Variants in MEIS2 observed in about 807,000 individuals in gnomAD.
MEIS2 encodes the protein Meis homeobox 2, also known as homeobox protein Meis2.
In MEIS2, 9 loss-of-function variants were observed where a neutral mutation model predicts 58.6. The observed-to-expected ratio is 0.15, with a 90% CI of 0.09 to 0.27. The LOEUF (loss-of-function observed/expected upper bound fraction) is 0.27. Among genes scored for constraint, MEIS2 ranks in the 10% least tolerant of loss-of-function variants. MEIS2 has a pLI of 1.00. For synonymous variants in MEIS2, 221 were observed against 228.4 expected (o/e 0.97, Z 0.29); for missense variants, 427 against 635.0 (o/e 0.67, Z 3.52).
At chr15:36,892,526 A>C in intron 11 of MEIS2, 67 bp from the exon 12 acceptor site, 3 of 1,171,070 alleles carry the variant, frequency 2.6e-6, no homozygotes, top group Non-Finnish European at 3.6e-6. Flanking sequence ...TACCCATCAA[A>C]GATGAAAAGA....
rs530038587 is a variant in MEIS2, at chr15:36,970,170, A to G, written c.901-19770T>C. On this transcript the variant is annotated intron_variant, in intron 8 of 11. Coordinates refer to ENST00000561208, the MANE Select transcript of MEIS2 (RefSeq NM_170675.5). Reference sequence around the variant, plus strand: ...TGTAATCCCAGCACTTTGGGAGGCCAAGGCGGGAGGATCATGAGGTCAGGA... The same window carrying G: ...TGTAATCCCAGCACTTTGGGAGGCCGAGGCGGGAGGATCATGAGGTCAGGA... Among the ~76,000 whole-genome samples the G allele has an allele frequency of 1.9e-4, 29 of 152,230 alleles. No homozygotes were observed. The East Asian group carries it at 3.5e-3, about 18-fold the overall frequency.
chr15:36,946,749 C>T (rs1244548731), intron 9 of MEIS2, among the ~76,000 whole-genome samples: 1 of 151,932 alleles, frequency 6.6e-6, no homozygotes, highest in Admixed American at 6.6e-5. Flanking sequence ...TGACCATTAT[C>T]TCCATTTCAC....
At chr15:37,030,721 T>C (rs1464065484) in intron 8 of MEIS2, among the ~76,000 whole-genome samples, 1 of 152,042 alleles carries the variant, frequency 6.6e-6, no homozygotes, top group Non-Finnish European at 1.5e-5. Context: ...GCCGTGATCA[T>C]GGCTCCATGC....
chr15:36,970,958 G>T (rs1010117761), intron 8 of MEIS2, among the ~76,000 whole-genome samples: 2 of 152,010 alleles, frequency 1.3e-5, no homozygotes, highest in Admixed American at 6.6e-5. Flanking sequence ...TGTGTTTAAA[G>T]CAACATCTCA....
chr15:36,990,080 G>C (rs983385567), intron 8 of MEIS2, among the ~76,000 whole-genome samples: 1 of 152,120 alleles, frequency 6.6e-6, no homozygotes, highest in African/African-American at 2.4e-5. Context: ...AAGTAGCTGG[G>C]ACTACAGGCG....
intron 3 of MEIS2, chr15:37,095,976 A>T (rs2140094693): frequency 2.2e-6 from 1 of 447,786 alleles, no homozygotes; most frequent in East Asian, 3.8e-5. Context: ...GGTCCCTCAC[A>T]GCCCCTCTCC....
chr15:36,928,287 G>T (rs1163774933), intron 9 of MEIS2, among the ~76,000 whole-genome samples: 1 of 152,012 alleles, frequency 6.6e-6, no homozygotes, highest in Admixed American at 6.6e-5. Flanking sequence ...AGGAATAGAC[G>T]GAGAACAGAA....
At chr15:37,046,267 A>G (rs2062666058) in intron 7 of MEIS2, among the ~76,000 whole-genome samples, 1 of 152,166 alleles carries the variant, frequency 6.6e-6, no homozygotes, top group African/African-American at 2.4e-5. Flanking sequence ...AAGGCAACAA[A>G]CTGCTCACTA....
intron 9 of MEIS2, among the ~76,000 whole-genome samples, chr15:36,925,139 CA>C (rs1032669976): frequency 1.4e-4 from 21 of 151,292 alleles, no homozygotes; most frequent in South Asian, 2.1e-4. Flanking sequence ...AAAACAAAAA[CA>C]AAAACAAAAC....
intron 8 of MEIS2, among the ~76,000 whole-genome samples, chr15:37,020,263 T>G (rs2061479533): frequency 6.6e-6 from 1 of 151,972 alleles, no homozygotes. Context: ...AACCGGGAAA[T>G]GAGTCTCGTC....
chr15:36,921,907 C>A (rs543128420), intron 9 of MEIS2, among the ~76,000 whole-genome samples: 5 of 152,158 alleles, frequency 3.3e-5, no homozygotes, highest in African/African-American at 9.7e-5. Context: ...CCCTTACGTA[C>A]GAGGGCTTCC....
intron 9 of MEIS2, among the ~76,000 whole-genome samples, chr15:36,920,039 C>G (rs774473507): frequency 6.6e-6 from 1 of 152,114 alleles, no homozygotes; most frequent in Non-Finnish European, 1.5e-5. Context: ...AGCATGGATA[C>G]TGATGCTGGA....
rs370158481 is a variant in MEIS2 at position 36,990,215 on chromosome 15, G to A, written c.901-39815C>T. On this transcript the variant is annotated intron_variant, in intron 8 of 11. Transcript: ENST00000561208. ...CCACCTCGGCCTCCCAAAGTGCTGG[G>A]ATTACAGGCATGAGCCACCGCGCCC... Among the ~76,000 whole-genome samples, 70 of 152,208 alleles carry A rather than the reference G, an allele frequency of 4.6e-4. 1 individual carries two copies. In the East Asian group the frequency reaches 9.1e-3, roughly 20 times the overall value.
At chr15:37,044,428 C>G (rs2062574891) in intron 7 of MEIS2, among the ~76,000 whole-genome samples, 1 of 152,086 alleles carries the variant, frequency 6.6e-6, no homozygotes. Context: ...TATGAGCCTA[C>G]CCTTTATCTA....
chr15:36,976,861 C>T (rs572752038), intron 8 of MEIS2, among the ~76,000 whole-genome samples: 7 of 152,284 alleles, frequency 4.6e-5, no homozygotes, highest in African/African-American at 1.2e-4. Flanking sequence ...CAGGGGCTCA[C>T]GCCTGTAATC....
intron 7 of MEIS2, among the ~76,000 whole-genome samples, chr15:37,049,246 T>C (rs541267210): frequency 7.9e-5 from 12 of 152,262 alleles, no homozygotes; most frequent in Admixed American, 3.3e-4. Flanking sequence ...GTATAGCCTA[T>C]ACAGGAAAGA....
chr15:36,959,948 T>C (rs1296086704), intron 8 of MEIS2, among the ~76,000 whole-genome samples: 1 of 152,054 alleles, frequency 6.6e-6, no homozygotes, highest in Non-Finnish European at 1.5e-5. Context: ...CACAGTGCCT[T>C]ATGAGACTGA....
intron 9 of MEIS2, among the ~76,000 whole-genome samples, chr15:36,919,534 G>C (rs976127095): frequency 6.7e-6 from 1 of 149,650 alleles, no homozygotes; most frequent in East Asian, 2.0e-4. Flanking sequence ...TCGAGATTGC[G>C]CCACTGCACT....
intron 9 of MEIS2, among the ~76,000 whole-genome samples, chr15:36,949,351 GA>G (rs1344658496): frequency 6.6e-6 from 1 of 151,992 alleles, no homozygotes; most frequent in African/African-American, 2.4e-5. Context: ...CAGCGAGCCT[GA>G]TAAACCTAAA....
Sources: allele counts gnomAD v4.1 joint callset (sites outside exome capture counted in the v4.1 genomes callset), GRCh38; gene constraint gnomAD v4.1.1; transcripts MANE v1.5; gene names NCBI Gene and HGNC (gene_info 2026-07-23, HGNC 2026-07-21).